SLC12A1: variants seen among roughly 807,000 people sequenced by gnomAD.
The protein encoded by SLC12A1 is Na-K-2Cl cotransporter.
A neutral mutation model predicts 130.4 loss-of-function variants in SLC12A1; 89 were observed. That is an observed-to-expected ratio of 0.68 (90% CI 0.58 to 0.81). The LOEUF (loss-of-function observed/expected upper bound fraction) is 0.81, where lower values mean the gene tolerates loss of function less well. Ranked by LOEUF, SLC12A1 falls within the 40% of genes least tolerant of loss-of-function variation. SLC12A1 has a pLI of 0.00. For missense variants in SLC12A1, 1,310 were observed against 1,336.4 expected, an observed-to-expected ratio of 0.98 and a Z score of 0.31; for synonymous variants, 499 against 460.0, an observed-to-expected ratio of 1.08 and a Z score of -1.09.
intron 9 of SLC12A1, among the ~76,000 whole-genome samples, chr15:48,240,983 T>C (rs2041509482): frequency 6.6e-6 from 1 of 152,182 alleles, no homozygotes; most frequent in South Asian, 2.1e-4. Flanking sequence ...ATATCTCCCA[T>C]TGCAGATATT....
intron 22 of SLC12A1, 106 bp downstream of exon 22, chr15:48,288,280 C>A: frequency 8.2e-7 from 1 of 1,220,530 alleles, no homozygotes; most frequent in Non-Finnish European, 1.2e-6. Context: ...AATAACATTT[C>A]TGTGTTCTCC....
At chr15:48,247,987 C>T (rs1356876818) in intron 13 of SLC12A1, among the ~76,000 whole-genome samples, 1 of 152,146 alleles carries the variant, frequency 6.6e-6, no homozygotes. Flanking sequence ...GAATCACTTA[C>T]CTAGACTATA....
At chr15:48,288,330 G>T in intron 22 of SLC12A1, 75 bp from the exon 23 acceptor site, 1 of 1,062,180 alleles carries the variant, frequency 9.4e-7, no homozygotes, top group South Asian at 1.5e-5. Context: ...ATGTGGTAAT[G>T]AATAAAGATA....
chr15:48,226,958 C>T (rs1481800341), intron 5 of SLC12A1: 2 of 678,938 alleles, frequency 2.9e-6, no homozygotes, highest in Non-Finnish European at 5.2e-6. Context: ...TCTTTTAGAA[C>T]ATTTCAGGTT....
At chr15:48,235,025 T>G in intron 9 of SLC12A1, 21 bp downstream of exon 9, 1 of 1,613,222 alleles carries the variant, frequency 6.2e-7, no homozygotes, top group Non-Finnish European at 8.5e-7. Flanking sequence ...TGCTCTGCTT[T>G]GCAGTCCTGG....
chr15:48,275,942 A>C (rs1049596275), intron 20 of SLC12A1, among the ~76,000 whole-genome samples: 1 of 152,210 alleles, frequency 6.6e-6, no homozygotes, highest in African/African-American at 2.4e-5. Flanking sequence ...TGGACTCAGG[A>C]CTAGAATGGA....
rs1430596489 is a variant in SLC12A1 at position 48,291,796 on chromosome 15, C to A, written c.2892C>A (p.Ser964Arg). ...TTTTCAGAATGGCTTCCCTTCTGAG[C>A]AAATTTAGGATAAAATTTGCAGACA... Reference protein sequence around the residue: ...EEKIVMASLLSKFRIKFADIH... With the variant: ...EEKIVMASLLRKFRIKFADIH... The change falls in exon 24 of 27, where the codon AGC (serine) becomes AGA (arginine). Residue 964 changes from serine (S) to arginine (R), a missense_variant. Physicochemically the swap from Ser to Arg is moderately radical, Grantham distance 110. Transcript: ENST00000380993. 10 of 1,562,700 alleles carry A rather than the reference C, an allele frequency of 6.4e-6. No individual in the cohort carries two copies. The highest frequency in any genetic ancestry group is 8.7e-6 in the Non-Finnish European group (10 of 1,151,528).
chr15:48,225,857 G>T (rs1249986076), intron 4 of SLC12A1: 1 of 978,762 alleles, frequency 1.0e-6, no homozygotes, highest in East Asian at 1.1e-4. Flanking sequence ...CTGAGGTCTT[G>T]GTGTGATTAT....
intron 20 of SLC12A1, among the ~76,000 whole-genome samples, chr15:48,282,481 G>C (rs1397459237): frequency 6.6e-6 from 1 of 152,040 alleles, no homozygotes; most frequent in Non-Finnish European, 1.5e-5. Context: ...GGGCGCACTG[G>C]AGCCTGCCCA....
chr15:48,302,147 G>A (rs1307292587), intron 26 of SLC12A1, among the ~76,000 whole-genome samples: 1 of 152,112 alleles, frequency 6.6e-6, no homozygotes, highest in Non-Finnish European at 1.5e-5. Flanking sequence ...AAAAACGGGG[G>A]TAGGTATTAG....
chr15:48,301,356 C>T lies in SLC12A1; in HGVS notation c.3138C>T (p.His1046=). ...QVRLNELLQE[H]SRAANLIVLS... ...GACTGAATGAACTCTTACAGGAGCA[C>T]TCCAGAGCTGCTAATCTCATTGTCC... The change falls in exon 26 of 27, where the codon CAC becomes CAT. Residue 1046 remains histidine, a synonymous_variant. Coordinates refer to ENST00000380993, the MANE Select transcript of SLC12A1 (RefSeq NM_000338.3). 8 of 1,597,470 alleles carry T rather than the reference C, an allele frequency of 5.0e-6. No individual in the cohort carries two copies. Among genetic ancestry groups the T allele is most frequent in the Non-Finnish European group, 6.8e-6 (8 of 1,171,346 alleles).
intron 16 of SLC12A1, among the ~76,000 whole-genome samples, chr15:48,256,472 GA>G (rs1484128150): frequency 6.6e-6 from 1 of 152,168 alleles, no homozygotes; most frequent in East Asian, 1.9e-4. Context: ...CTGCTATGAA[GA>G]AATACCCAAG....
chr15:48,211,482 A>T (rs1413570304), intron 2 of SLC12A1, among the ~76,000 whole-genome samples: 2 of 152,212 alleles, frequency 1.3e-5, no homozygotes, highest in Non-Finnish European at 2.9e-5. Context: ...ACTAGAAATC[A>T]TCAACAGAAC....
intron 9 of SLC12A1, among the ~76,000 whole-genome samples, chr15:48,237,926 T>C (rs1457374359): frequency 6.6e-6 from 1 of 152,046 alleles, no homozygotes; most frequent in Non-Finnish European, 1.5e-5. Context: ...GAAAATACCA[T>C]AATAATCTGG....
At chr15:48,298,997 T>C (rs2042205173) in intron 24 of SLC12A1, 143 bp from the exon 25 acceptor site, 1 of 748,742 alleles carries the variant, frequency 1.3e-6, no homozygotes, top group African/African-American at 1.8e-5. Flanking sequence ...TCACAGTAAA[T>C]TCCCTGCAAA....
intron 20 of SLC12A1, among the ~76,000 whole-genome samples, chr15:48,284,000 C>T (rs1215238597): frequency 6.6e-6 from 1 of 152,202 alleles, no homozygotes; most frequent in Admixed American, 6.5e-5. Context: ...AGGAAATTTT[C>T]GTCACAATCG....
At chr15:48,243,028 CT>C (rs1217602741) in intron 10 of SLC12A1, among the ~76,000 whole-genome samples, 1 of 151,918 alleles carries the variant, frequency 6.6e-6, no homozygotes, top group Admixed American at 6.6e-5. Flanking sequence ...AGTTTTGCCC[CT>C]AAAGGGTGGG....
At position 48,237,323 on chromosome 15, in the gene SLC12A1, T is replaced by C. The variant is rs1256671597; in HGVS notation, c.1215+2319T>C. On this transcript the variant is annotated intron_variant, in intron 9 of 26. Coordinates refer to ENST00000380993, the MANE Select transcript of SLC12A1 (RefSeq NM_000338.3). ...AGTAGTGTATGTAATCCTTCATTAA[T>C]ATATTAATAAACATATTTATAAATA... The C allele has an allele frequency of 5.5e-5, 12 of 219,390 alleles. No homozygotes were observed. In the Admixed American group the frequency reaches 6.5e-4, roughly 12 times the overall value. The allele number at this position is 219,390 out of a possible 1,614,324, so 13.6% of individuals were successfully genotyped here.
Position 48,232,753 on chromosome 15 carries a change from T to C in SLC12A1, c.1002T>C (p.Leu334=). The change falls in exon 8 of 27, where the codon CTT becomes CTC. Residue 334 remains leucine (L), a synonymous_variant. Transcript: ENST00000380993. ...AKAQVILLVI[L]LIAIANFFIG... Reference sequence around the variant, plus strand: ...CCCAAGTCATTCTTCTGGTCATTCTTCTAATTGCTATTGCAAACTTCTTCA... The same window carrying C: ...CCCAAGTCATTCTTCTGGTCATTCTCCTAATTGCTATTGCAAACTTCTTCA... 6.2e-7 allele frequency: 1 copy of C among 1,612,050 alleles called. No homozygotes were observed. Among genetic ancestry groups the C allele is most frequent in the Non-Finnish European group, 8.5e-7 (1 of 1,178,054 alleles).
Sources: allele counts gnomAD v4.1 joint callset (sites outside exome capture counted in the v4.1 genomes callset), GRCh38; gene constraint gnomAD v4.1.1; transcripts MANE v1.5; gene names NCBI Gene and HGNC (gene_info 2026-07-23, HGNC 2026-07-21).